Variants in RABGAP1L observed in about 807,000 individuals in gnomAD.
RABGAP1L encodes RAB GTPase activating protein 1 like.
Under a neutral mutation model 137.7 loss-of-function variants are expected in RABGAP1L, and 63 were observed. The ratio of observed to expected loss-of-function variants is 0.46; its 90% CI spans 0.37 to 0.56. The LOEUF is 0.56. Among genes scored for constraint, RABGAP1L ranks in the 20% least tolerant of loss-of-function variants. The probability of loss-of-function intolerance (pLI) is 0.00; values close to 1 mark genes in which losing one functional copy is unlikely to be tolerated. For synonymous variants in RABGAP1L, 431 were observed against 433.7 expected (o/e 0.99, Z 0.08); for missense variants, 1,095 against 1,244.0 (o/e 0.88, Z 1.80).
intron 7 of RABGAP1L, among the ~76,000 whole-genome samples, chr1:174,252,997 A>G (rs184794279): frequency 6.9e-4 from 105 of 152,340 alleles, no homozygotes; most frequent in Non-Finnish European, 9.1e-4. Flanking sequence ...TTGTGTGTCA[A>G]TTCACAGGAA....
At chr1:174,542,078 G>T (rs1014505978) in intron 13 of RABGAP1L, among the ~76,000 whole-genome samples, 12 of 152,142 alleles carry the variant, frequency 7.9e-5, no homozygotes, top group African/African-American at 2.9e-4. Flanking sequence ...TCTCTGCCAG[G>T]CATTGGTATC....
intron 1 of RABGAP1L, among the ~76,000 whole-genome samples, chr1:174,199,073 AC>A (rs1328468626): frequency 1.3e-5 from 2 of 152,068 alleles, no homozygotes; most frequent in Non-Finnish European, 2.9e-5. Context: ...GCGCCATTGC[AC>A]TCCAGCCTGG....
intron 11 of RABGAP1L, among the ~76,000 whole-genome samples, chr1:174,366,770 G>A (rs909768675): frequency 3.4e-5 from 4 of 118,666 alleles, no homozygotes; most frequent in African/African-American, 9.1e-5. Context: ...GCCAGACTCC[G>A]TCTCCAGGAA....
intron 13 of RABGAP1L, among the ~76,000 whole-genome samples, chr1:174,563,093 C>G (rs149244059): frequency 2.6e-5 from 4 of 152,230 alleles, no homozygotes; most frequent in African/African-American, 9.6e-5. Context: ...TGAGTAATTC[C>G]TGTAGACATA....
chr1:174,857,001 C>T (rs1649428193), intron 19 of RABGAP1L, among the ~76,000 whole-genome samples: 1 of 151,848 alleles, frequency 6.6e-6, no homozygotes, highest in African/African-American at 2.4e-5. Context: ...TCAAAATTTA[C>T]AAGTGTAAAA....
chr1:174,182,729 G>A (rs1023776551), intron 1 of RABGAP1L, among the ~76,000 whole-genome samples: 2 of 151,136 alleles, frequency 1.3e-5, no homozygotes, highest in Non-Finnish European at 2.9e-5. Context: ...ATCTTTGTTA[G>A]CATTTAAGAC....
At chr1:174,908,301 C>A (rs1173426517) in intron 19 of RABGAP1L, among the ~76,000 whole-genome samples, 1 of 152,076 alleles carries the variant, frequency 6.6e-6, no homozygotes, top group Non-Finnish European at 1.5e-5. Flanking sequence ...TCTAATAGAC[C>A]TACCTGACAT....
rs188113532 is a variant in RABGAP1L, at chr1:174,862,139, A to G, written c.2340+50179A>G. ...TTGTTATGGTATAAGATAAGGGTCC[A>G]GTTTCATTCTCTTGCATGTGGAGAT... On this transcript the variant is annotated intron_variant, in intron 19 of 25. Coordinates refer to ENST00000681986, the MANE Select transcript of RABGAP1L (RefSeq NM_001366446.1). Among the ~76,000 whole-genome samples the G allele has an allele frequency of 3.7e-3, 569 of 152,288 alleles. 4 individuals are homozygous for G. Among genetic ancestry groups the G allele is most frequent in the African/African-American group, 0.013 (542 of 41,572 alleles).
chr1:174,985,396 TA>T (rs997212718), intron 24 of RABGAP1L, among the ~76,000 whole-genome samples: 3 of 152,012 alleles, frequency 2.0e-5, no homozygotes, highest in African/African-American at 7.2e-5. Context: ...GGTACAAAAT[TA>T]AAAAAGAAAA....
chr1:174,238,694 G>T (rs1397685446), intron 4 of RABGAP1L: 1 of 150,346 alleles, frequency 6.7e-6, no homozygotes, highest in East Asian at 1.9e-4. Context: ...GGACATTTAA[G>T]TCTGCAGAGG....
chr1:174,614,350 G>C (rs926768848), intron 13 of RABGAP1L, among the ~76,000 whole-genome samples: 1 of 152,188 alleles, frequency 6.6e-6, no homozygotes, highest in African/African-American at 2.4e-5. Flanking sequence ...ATTCTGGGTT[G>C]AAAATTCTTT....
At chr1:174,554,011 AAT>A (rs1363192833) in intron 13 of RABGAP1L, among the ~76,000 whole-genome samples, 2 of 152,100 alleles carry the variant, frequency 1.3e-5, no homozygotes, top group Non-Finnish European at 2.9e-5. Flanking sequence ...AGAAGCATAG[AAT>A]TAGAAGGAAT....
chr1:174,930,670 C>T (rs778669798), intron 19 of RABGAP1L, among the ~76,000 whole-genome samples: 12 of 152,216 alleles, frequency 7.9e-5, no homozygotes, highest in East Asian at 3.9e-4. Flanking sequence ...AGAAGAGCAC[C>T]GTGAACATCC....
chr1:174,778,221 T>A (rs1686688402), intron 18 of RABGAP1L, among the ~76,000 whole-genome samples: 1 of 152,194 alleles, frequency 6.6e-6, no homozygotes, highest in Admixed American at 6.5e-5. Flanking sequence ...AGCAGATTTC[T>A]CCTTAGAAAC....
intron 13 of RABGAP1L, among the ~76,000 whole-genome samples, chr1:174,496,112 A>G (rs1378008019): frequency 2.0e-5 from 3 of 152,120 alleles, no homozygotes; most frequent in Non-Finnish European, 4.4e-5. Context: ...ACAAATGAAG[A>G]TTTTCTAAAT....
intron 19 of RABGAP1L, chr1:174,892,736 T>C (rs569138062): frequency 4.3e-5 from 20 of 465,572 alleles, no homozygotes; most frequent in South Asian, 1.3e-4. Context: ...TTCTTTCTTT[T>C]TTTTTTTTTT....
chr1:174,252,682 T>C (rs922896975), intron 7 of RABGAP1L, 92 bp downstream of exon 7: 2 of 1,492,930 alleles, frequency 1.3e-6, no homozygotes, highest in Admixed American at 2.8e-5. Context: ...TCACTATACT[T>C]CATTTTCTCC....
At chr1:174,803,595 A>C (rs2148829917) in intron 18 of RABGAP1L, among the ~76,000 whole-genome samples, 1 of 152,202 alleles carries the variant, frequency 6.6e-6, no homozygotes, top group South Asian at 2.1e-4. Context: ...AAGATAAGAA[A>C]GAGAATCACA....
Position 174,559,412 on chromosome 1 carries a change from C to T in RABGAP1L, c.1711-77963C>T, listed in dbSNP as rs185404576. On this transcript the variant is annotated intron_variant, in intron 13 of 25. Coordinates refer to ENST00000681986, the MANE Select transcript of RABGAP1L (RefSeq NM_001366446.1). ...TCACTGTATTGTGAAGGGACTTATCCGCATCTTTGATAATTTAGGATAGAG... is the reference window on the plus strand; with the variant it reads ...TCACTGTATTGTGAAGGGACTTATCTGCATCTTTGATAATTTAGGATAGAG... Among the ~76,000 whole-genome samples, 266 of 152,210 alleles carry T rather than the reference C, an allele frequency of 1.7e-3. 1 individual carries two copies. Among genetic ancestry groups the T allele is most frequent in the Non-Finnish European group, 3.1e-3 (211 of 68,012 alleles).
Sources: allele counts gnomAD v4.1 joint callset (sites outside exome capture counted in the v4.1 genomes callset), GRCh38; gene constraint gnomAD v4.1.1; transcripts MANE v1.5; gene names NCBI Gene and HGNC (gene_info 2026-07-23, HGNC 2026-07-21).